The following ATG2B variants were observed in gnomAD, a reference collection of about 807,000 sequenced individuals.
ATG2B encodes autophagy related 2B, also known as autophagy-related protein 2 homolog B.
A neutral mutation model predicts 241.3 loss-of-function variants in ATG2B; 121 were observed. That is an observed-to-expected ratio of 0.50 (90% CI 0.43 to 0.58). The LOEUF is 0.58. ATG2B is among the 20% of genes least tolerant of loss of function. The pLI, the probability that ATG2B is intolerant of heterozygous loss-of-function variation, is 0.00. For synonymous variants in ATG2B, 858 were observed against 876.6 expected (o/e 0.98, Z 0.37); for missense variants, 2,306 against 2,491.6 (o/e 0.93, Z 1.59).
intron 38 of ATG2B, 121 bp from the exon 39 acceptor site, chr14:96,291,056 G>A (rs1886470968): frequency 8.8e-6 from 7 of 798,806 alleles, no homozygotes; most frequent in African/African-American, 1.8e-5. Context: ...TATTACAGGT[G>A]CTTCAAAAAC....
intron 30 of ATG2B, among the ~76,000 whole-genome samples, chr14:96,306,419 G>T (rs1886949571): frequency 6.6e-6 from 1 of 152,098 alleles, no homozygotes; most frequent in Admixed American, 6.6e-5. Context: ...CTGTCCAGCA[G>T]ATCCTTCTGC....
At chr14:96,316,312 T>C (rs564937973) in intron 21 of ATG2B, among the ~76,000 whole-genome samples, 1 of 152,334 alleles carries the variant, frequency 6.6e-6, no homozygotes, top group South Asian at 2.1e-4. Flanking sequence ...AGGTACACTT[T>C]AAATGAGTAT....
At chr14:96,298,891 G>T (rs1886716571) in intron 34 of ATG2B, among the ~76,000 whole-genome samples, 1 of 151,582 alleles carries the variant, frequency 6.6e-6, no homozygotes, top group Non-Finnish European at 1.5e-5. Flanking sequence ...GCATTTTAGT[G>T]TATGTAAATT....
intron 34 of ATG2B, among the ~76,000 whole-genome samples, chr14:96,297,957 A>G (rs774160220): frequency 6.0e-5 from 9 of 150,340 alleles, no homozygotes; most frequent in Non-Finnish European, 1.3e-4. Flanking sequence ...ATGCCTGGCT[A>G]TTTTTTTTTC....
At chr14:96,308,085 C>T (rs529875447) in intron 29 of ATG2B, among the ~76,000 whole-genome samples, 1 of 149,868 alleles carries the variant, frequency 6.7e-6, no homozygotes, top group African/African-American at 2.5e-5. Flanking sequence ...TATATTGAAG[C>T]CACCCAGTAA....
At position 96,313,392 on chromosome 14, in the gene ATG2B, T is replaced by C. The variant is rs1887216049; in HGVS notation, c.3686A>G (p.Tyr1229Cys). Reference protein sequence around the residue: ...LNIADEPVLGYNPPTSFTTFH... With the variant: ...LNIADEPVLGCNPPTSFTTFH... ...AGTTGTAAATGAAGTTGGAGGATTA[T>C]ATCCCAAAACAGGTTCATCAGCAAT... Residue 1229 changes from tyrosine (Y) to cysteine (C), a missense_variant, in exon 24 of 42, where the codon TAT (tyrosine) becomes TGT (cysteine). Around this residue, in one of 2 missense-constraint regions of ATG2B, gnomAD observed 1,927 missense variants for 2,011.2 expected, o/e 0.96. Transcript: ENST00000359933. 4.4e-6 allele frequency: 7 copies of C among 1,598,030 alleles called. No individual in the cohort carries two copies. The East Asian group carries it at 1.3e-4, about 31-fold the overall frequency.
rs372867575 is a variant in ATG2B, at chr14:96,292,117, G to A, written c.5427-19C>T. ...AAATTCTCTGAAGATAAAGGAAGGA[G>A]GGAGTTATTTACATTTACAATTACT... On this transcript the variant is annotated intron_variant, in intron 36 of 41. Transcript: ENST00000359933. 8.5e-5 allele frequency: 131 copies of A among 1,536,882 alleles called. No individual in the cohort carries two copies. The highest frequency in any genetic ancestry group is 1.1e-4 in the Non-Finnish European group (127 of 1,125,394).
chr14:96,308,460 C>CTTTT (rs573746586), intron 29 of ATG2B, among the ~76,000 whole-genome samples: 2 of 115,630 alleles, frequency 1.7e-5, no homozygotes, highest in Non-Finnish European at 3.6e-5. Context: ...CCACATCTAG[C>CTTTT]TTTTTTTTTT....
At chr14:96,334,142 T>C (rs902556857) in intron 7 of ATG2B, among the ~76,000 whole-genome samples, 3 of 152,186 alleles carry the variant, frequency 2.0e-5, no homozygotes, top group African/African-American at 7.2e-5. Flanking sequence ...CTCGATTGTA[T>C]GAAGTACTAT....
At position 96,306,868 on chromosome 14, in the gene ATG2B, A is replaced by C; in HGVS notation, c.4352T>G (p.Leu1451Arg). Residue 1451 changes from leucine (L) to arginine (R), a missense_variant, in exon 30 of 42, where the codon CTC (leucine) becomes CGC (arginine). By Grantham distance (102) the Leu-to-Arg change is moderately radical. Transcript: ENST00000359933. ...SQIQEPCCSDLFLFPDESGNV... is the reference protein window; with the variant it reads ...SQIQEPCCSDRFLFPDESGNV... ...CCCACTCTCGTCAGGAAACAGGAAG[A>C]GGTCTGAACAACATGGCTCCTGAAT... 5 of 1,614,146 alleles carry C rather than the reference A, an allele frequency of 3.1e-6. No homozygotes were observed. Among genetic ancestry groups the C allele is most frequent in the Non-Finnish European group, 4.2e-6 (5 of 1,180,022 alleles).
At chr14:96,347,392 G>C in intron 1 of ATG2B, 51 bp from the exon 2 acceptor site, 1 of 1,433,720 alleles carries the variant, frequency 7.0e-7, no homozygotes, top group Non-Finnish European at 9.5e-7. Flanking sequence ...AGAACACAAA[G>C]TTGTGAACTT....
chr14:96,347,635 G>A (rs1566734448), intron 1 of ATG2B, among the ~76,000 whole-genome samples: 1 of 152,018 alleles, frequency 6.6e-6, no homozygotes, highest in Non-Finnish European at 1.5e-5. Context: ...AACTCTACAG[G>A]AAAAAAATCT....
In ATG2B at chr14:96,282,957, C is replaced by T. The variant is rs533607410; in HGVS notation, c.*2798G>A. The T allele has an allele frequency of 1.3e-5, 2 of 152,264 alleles. No homozygotes were observed. Among genetic ancestry groups the T allele is most frequent in the African/African-American group, 2.4e-5 (1 of 41,530 alleles). The allele number at this position is 152,264 out of a possible 1,614,324, so 9.4% of individuals were successfully genotyped here. The stretch of plus-strand genomic sequence containing the variant: ...ATATTGATAAATATATGTACTTAAG[C>T]GAGAATCCAAATCGTACCCAAACTT... On this transcript the variant is annotated 3_prime_UTR_variant, in exon 42 of 42. Coordinates refer to ENST00000359933, the MANE Select transcript of ATG2B (RefSeq NM_018036.7).
chr14:96,353,248 T>C (rs1401715915), intron 1 of ATG2B, among the ~76,000 whole-genome samples: 2 of 152,170 alleles, frequency 1.3e-5, no homozygotes, highest in African/African-American at 2.4e-5. Flanking sequence ...TCTCAGAACA[T>C]ATCCCTGTCG....
chr14:96,352,104 G>C (rs1477947444), intron 1 of ATG2B, among the ~76,000 whole-genome samples: 1 of 152,142 alleles, frequency 6.6e-6, no homozygotes, highest in Non-Finnish European at 1.5e-5. Context: ...CCATGTATAG[G>C]ATAGTGGTCC....
chr14:96,287,737 T>C (rs1431436678), intron 41 of ATG2B, among the ~76,000 whole-genome samples: 1 of 152,228 alleles, frequency 6.6e-6, no homozygotes, highest in East Asian at 1.9e-4. Flanking sequence ...ACATACTTTT[T>C]ATGTAAGGGC....
At chr14:96,332,688 T>C in intron 8 of ATG2B, 33 bp from the exon 9 acceptor site, 1 of 1,488,242 alleles carries the variant, frequency 6.7e-7, no homozygotes, top group East Asian at 2.3e-5. Context: ...ACTTGTATTA[T>C]AATCCCACCA....
chr14:96,345,695 G>A (rs1470952032), intron 2 of ATG2B, among the ~76,000 whole-genome samples: 1 of 152,078 alleles, frequency 6.6e-6, no homozygotes, highest in East Asian at 1.9e-4. Context: ...ACAGATGCAT[G>A]GAACTGTTCT....
intron 10 of ATG2B, 26 bp from the exon 11 acceptor site, chr14:96,331,663 T>C (rs767284552): frequency 2.0e-5 from 30 of 1,519,906 alleles, no homozygotes; most frequent in Middle Eastern, 1.7e-4. Context: ...TAAAATTATA[T>C]ACATAAAATT....
Sources: allele counts gnomAD v4.1 joint callset (sites outside exome capture counted in the v4.1 genomes callset), GRCh38; gene constraint gnomAD v4.1.1; regional missense constraint gnomAD v4.1.1; transcripts MANE v1.5; gene names NCBI Gene and HGNC (gene_info 2026-07-23, HGNC 2026-07-21).